The following RPRD1A variants were observed in gnomAD, a reference collection of about 807,000 sequenced individuals.
RPRD1A encodes regulation of nuclear pre-mRNA domain containing 1A.
Under a neutral mutation model 37.8 loss-of-function variants are expected in RPRD1A, and 9 were observed. The ratio of observed to expected loss-of-function variants is 0.24; its 90% CI spans 0.14 to 0.42. The LOEUF is 0.42. RPRD1A is among the 10% of genes least tolerant of loss of function. The probability of loss-of-function intolerance (pLI) is 1.00; values close to 1 mark genes in which losing one functional copy is unlikely to be tolerated. For synonymous variants in RPRD1A, 138 were observed against 139.7 expected, an observed-to-expected ratio of 0.99 and a Z score of 0.08; for missense variants, 255 against 371.0, an observed-to-expected ratio of 0.69 and a Z score of 2.57.
intron 1 of RPRD1A, among the ~76,000 whole-genome samples, chr18:36,054,139 A>G (rs1250737784): frequency 6.6e-6 from 1 of 152,178 alleles, no homozygotes; most frequent in Non-Finnish European, 1.5e-5. Context: ...GAAAGTAAAA[A>G]CACCATATAA....
chr18:36,011,855 T>C (rs1910200413), intron 6 of RPRD1A, among the ~76,000 whole-genome samples: 1 of 152,248 alleles, frequency 6.6e-6, no homozygotes, highest in Non-Finnish European at 1.5e-5. Context: ...CAATTTCACC[T>C]TCCATGATTT....
chr18:36,002,371 C>G (rs897583266), intron 6 of RPRD1A, among the ~76,000 whole-genome samples: 1 of 152,164 alleles, frequency 6.6e-6, no homozygotes, highest in Non-Finnish European at 1.5e-5. Context: ...TTCACCACTT[C>G]CTTCCTTGGC....
chr18:36,022,639 G>A (rs529395407), intron 6 of RPRD1A, among the ~76,000 whole-genome samples: 1 of 152,312 alleles, frequency 6.6e-6, no homozygotes, highest in South Asian at 2.1e-4. Context: ...AGTTTACTGA[G>A]TATTTTAAGC....
rs540012583 is a variant in RPRD1A, at chr18:36,060,023, G to A, written c.151+7231C>T. ...TACTTACTTTTTCAATTCTAACTCT[G>A]AAAGAGAAACAAGTAACAGTATCAG... On this transcript the variant is annotated intron_variant, in intron 1 of 6. Transcript: ENST00000399022. Among the ~76,000 whole-genome samples the A allele has an allele frequency of 4.6e-5, 7 of 152,224 alleles. No homozygotes were observed. The South Asian group carries it at 1.5e-3, about 32-fold the overall frequency.
intron 6 of RPRD1A, among the ~76,000 whole-genome samples, chr18:35,998,372 AT>A (rs1043164493): frequency 2.6e-5 from 4 of 152,262 alleles, no homozygotes; most frequent in South Asian, 2.1e-4. Context: ...AAAAAAAAAA[AT>A]GTAACTATTA....
intron 6 of RPRD1A, among the ~76,000 whole-genome samples, chr18:36,023,535 A>T (rs954743258): frequency 6.6e-6 from 1 of 152,240 alleles, no homozygotes; most frequent in Non-Finnish European, 1.5e-5. Flanking sequence ...TTACTTGATA[A>T]AGCAGTAGCA....
At chr18:36,017,844 T>A (rs372271891) in intron 6 of RPRD1A, among the ~76,000 whole-genome samples, 1 of 152,212 alleles carries the variant, frequency 6.6e-6, no homozygotes. Flanking sequence ...TGGTTTCATC[T>A]GTAGCTCCCG....
chr18:36,045,052 C>T (rs1340934520), intron 1 of RPRD1A, among the ~76,000 whole-genome samples: 1 of 151,992 alleles, frequency 6.6e-6, no homozygotes, highest in African/African-American at 2.4e-5. Context: ...TGAGCCTGGG[C>T]AACGTGAAGA....
chr18:36,005,924 AC>A (rs1040490014), intron 6 of RPRD1A, among the ~76,000 whole-genome samples: 1 of 144,620 alleles, frequency 6.9e-6, no homozygotes, highest in Non-Finnish European at 1.5e-5. Flanking sequence ...TAAAGGAAAT[AC>A]ATCAAAATGT....
At chr18:36,004,148 T>C (rs1214520437) in intron 6 of RPRD1A, among the ~76,000 whole-genome samples, 1 of 150,890 alleles carries the variant, frequency 6.6e-6, no homozygotes, top group Admixed American at 6.6e-5. Context: ...AGCTCTAACA[T>C]GAATCTTACT....
chr18:36,016,484 T>C (rs1349550893), intron 6 of RPRD1A, among the ~76,000 whole-genome samples: 3 of 152,118 alleles, frequency 2.0e-5, no homozygotes, highest in Admixed American at 1.3e-4. Context: ...CGGCTTCCCA[T>C]AGTGCTGGGA....
chr18:36,002,064 AATATGGC>A (rs1308582811), intron 6 of RPRD1A, among the ~76,000 whole-genome samples: 2 of 110,944 alleles, frequency 1.8e-5, no homozygotes, highest in East Asian at 2.6e-4. Flanking sequence ...CTGTACTTTG[AATATGGC>A]ATGCCTAAGT....
chr18:36,032,606 T>G (rs1046631521), intron 2 of RPRD1A, among the ~76,000 whole-genome samples: 1 of 152,138 alleles, frequency 6.6e-6, no homozygotes, highest in African/African-American at 2.4e-5. Flanking sequence ...CTAAAGGGCA[T>G]TAAAATTATA....
intron 6 of RPRD1A, among the ~76,000 whole-genome samples, chr18:36,009,477 G>A (rs1166431656): frequency 6.6e-6 from 1 of 152,162 alleles, no homozygotes; most frequent in Non-Finnish European, 1.5e-5. Flanking sequence ...TTGTGTGAAT[G>A]CTTCCACCTT....
In RPRD1A at chr18:36,015,610, T is replaced by C. The variant is rs76078316; in HGVS notation, c.789+11290A>G. Among the ~76,000 whole-genome samples the C allele has an allele frequency of 6.5e-3, 988 of 152,310 alleles. 20 individuals carry two copies. The highest frequency in any genetic ancestry group is 0.023 in the African/African-American group (941 of 41,566). ...CATGGACAAATGAAAACATGCAGTG[T>C]ATACATTCAATGGATTACTATTCGG... On this transcript the variant is annotated intron_variant, in intron 6 of 6. Coordinates refer to ENST00000399022, the MANE Select transcript of RPRD1A (RefSeq NM_018170.5).
intron 6 of RPRD1A, among the ~76,000 whole-genome samples, chr18:35,999,101 C>A (rs1909266858): frequency 6.6e-6 from 1 of 152,190 alleles, no homozygotes; most frequent in South Asian, 2.1e-4. Context: ...CAAGTTATTT[C>A]TGAATTACTA....
At chr18:36,025,685 CAGA>C (rs1412605429) in intron 6 of RPRD1A, 1 of 1,276,236 alleles carries the variant, frequency 7.8e-7, no homozygotes, top group African/African-American at 1.5e-5. Flanking sequence ...ATATCTGCAA[CAGA>C]AGCTCAATAG....
intron 6 of RPRD1A, chr18:36,026,623 A>G (rs1289989030): frequency 3.4e-6 from 1 of 291,620 alleles, no homozygotes; most frequent in Admixed American, 4.6e-5. Context: ...CATTAGGGTT[A>G]AACTGGTAAG....
chr18:36,015,087 CCT>C (rs1055228552), intron 6 of RPRD1A, among the ~76,000 whole-genome samples: 1 of 148,716 alleles, frequency 6.7e-6, no homozygotes, highest in Non-Finnish European at 1.5e-5. Flanking sequence ...AGCAATTCAA[CCT>C]CTCAGTAAAT....
Sources: allele counts gnomAD v4.1 joint callset (sites outside exome capture counted in the v4.1 genomes callset), GRCh38; gene constraint gnomAD v4.1.1; transcripts MANE v1.5; gene names NCBI Gene and HGNC (gene_info 2026-07-23, HGNC 2026-07-21).